Variants in PPP1R26 observed in about 807,000 individuals in gnomAD.
PPP1R26 encodes the protein protein phosphatase 1 regulatory subunit 26.
In PPP1R26, 22 loss-of-function variants were observed where a neutral mutation model predicts 67.6. The ratio of observed to expected loss-of-function variants is 0.33; its 90% CI spans 0.23 to 0.46. The LOEUF is 0.46. Ranked by LOEUF, PPP1R26 falls within the 20% of genes least tolerant of loss-of-function variation. PPP1R26 has a pLI of 1.00. For missense variants in PPP1R26, 1,602 were observed against 1,651.4 expected (o/e 0.97, Z 0.52); for synonymous variants, 729 against 717.2 (o/e 1.02, Z -0.26).
rs1190699378 is a variant in PPP1R26, at chr9:135,484,974, C to T, written c.464C>T (p.Ala155Val). 2 of 1,578,952 alleles carry T rather than the reference C, an allele frequency of 1.3e-6. No individual in the cohort carries two copies. The highest frequency in any genetic ancestry group is 8.6e-7 in the Non-Finnish European group (1 of 1,163,774). ...SGAAQPGAGG[A>V]QPGAAQPSRA... ...GCCGCACAGCCCGGGGCCGGCGGGG[C>T]CCAGCCAGGTGCAGCCCAGCCTTCC... Residue 155 changes from alanine to valine, a missense_variant, in exon 4 of 4, where the codon GCC becomes GTC. Coordinates refer to ENST00000356818, the MANE Select transcript of PPP1R26 (RefSeq NM_014811.5).
In PPP1R26 at chr9:135,487,487, G is replaced by T; in HGVS notation, c.2977G>T (p.Ala993Ser). The T allele has an allele frequency of 6.2e-7, 1 of 1,610,284 alleles. No individual in the cohort carries two copies. The highest frequency in any genetic ancestry group is 8.5e-7 in the Non-Finnish European group (1 of 1,179,558). The change falls in exon 4 of 4, where the codon GCC becomes TCC. Residue 993 changes from alanine to serine, a missense_variant. Ala to Ser is a moderately conservative substitution (Grantham distance 99). Around this residue, in one of 5 missense-constraint regions of PPP1R26, gnomAD observed 740 missense variants for 696.3 expected, o/e 1.06. Transcript: ENST00000356818. ...CACAGCGGGCACCGAGGCAGGAGGC[G>T]CCAGAGGAACCTTTCACATGGGCTG... ...CATAGTEAGGARGTFHMGCGS... is the reference protein window; with the variant it reads ...CATAGTEAGGSRGTFHMGCGS...
Position 135,484,698 on chromosome 9 carries a change from C to A in PPP1R26, c.188C>A (p.Thr63Asn). 6.2e-7 allele frequency: 1 copy of A among 1,610,012 alleles called. No homozygotes were observed. The highest frequency in any genetic ancestry group is 2.2e-5 in the East Asian group (1 of 44,852). Reference sequence around the variant, plus strand: ...CAGCGCGACGGGGCTGCTCGGGGCACCAGCGATGAGCGCGCCGCACAGAGG... The same window carrying A: ...CAGCGCGACGGGGCTGCTCGGGGCAACAGCGATGAGCGCGCCGCACAGAGG... ...TLQRDGAARG[T>N]SDERAAQRGH... Residue 63 changes from threonine (T) to asparagine (N), a missense_variant, in exon 4 of 4, where the codon ACC becomes AAC. Thr to Asn is a moderately conservative substitution (Grantham distance 65, BLOSUM62 0). This residue lies in a region of PPP1R26 where 168 missense variants were observed against 176.1 expected (regional missense o/e 0.95). Coordinates refer to ENST00000356818, the MANE Select transcript of PPP1R26 (RefSeq NM_014811.5).
Position 135,487,618 on chromosome 9 carries a change from G to T in PPP1R26, c.3108G>T (p.Leu1036=). 2.7e-6 allele frequency: 4 copies of T among 1,485,102 alleles called. No homozygotes were observed. The highest frequency in any genetic ancestry group is 2.7e-6 in the Non-Finnish European group (3 of 1,116,802). 92.0% of individuals were successfully genotyped at this position (1,485,102 alleles called of 1,614,324 possible). A position where few individuals can be genotyped will look rare whatever the true frequency, so the allele number is the denominator to read the frequency against. The change falls in exon 4 of 4, where the codon CTG becomes CTT. Residue 1036 remains leucine (L), a synonymous_variant. Transcript: ENST00000356818. ...PWSDFAHQSR[L]PSPWVLRSEG... is the part of the protein sequence containing the mutation. ...GCGACTTCGCCCACCAGAGTCGGCT[G>T]CCCAGCCCGTGGGTGCTGCGCTCCG... is the stretch of plus-strand genomic sequence containing the variant.
In PPP1R26 at chr9:135,486,194, G is replaced by A. The variant is rs771015690; in HGVS notation, c.1684G>A (p.Ala562Thr). Residue 562 changes from alanine to threonine, a missense_variant, in exon 4 of 4, where the codon GCC (alanine) becomes ACC (threonine). Around this residue, in one of 5 missense-constraint regions of PPP1R26, gnomAD observed 680 missense variants for 726.1 expected, o/e 0.94. Coordinates refer to ENST00000356818, the MANE Select transcript of PPP1R26 (RefSeq NM_014811.5). This position sits in a 1 kb window ranked among gnomAD's most constrained non-coding sequence, Gnocchi z 6.2. ...CAGAGGTGAGAGCTGCCCGCAGGCT[G>A]CCCAGGGTCCACTTTTGCCGCCTGG... Reference protein sequence around the residue: ...LARGESCPQAAQGPLLPPGLN... With the variant: ...LARGESCPQATQGPLLPPGLN... 3.1e-6 allele frequency: 5 copies of A among 1,612,992 alleles called. No homozygotes were observed. The highest frequency in any genetic ancestry group is 1.7e-5 in the Admixed American group (1 of 60,026).
Position 135,488,193 on chromosome 9 carries a change from C to T in PPP1R26, c.*53C>T, listed in dbSNP as rs1319335296. On this transcript the variant is annotated 3_prime_UTR_variant, in exon 4 of 4. Transcript: ENST00000356818. ...GGTTGCGTGCATTCGTGGAAAGCGG[C>T]GTAGCCGTGCGTGTGTGTGATGGTT... is the stretch of plus-strand genomic sequence containing the variant. The T allele has an allele frequency of 2.7e-6, 4 of 1,475,656 alleles. No individual in the cohort carries two copies. Among genetic ancestry groups the T allele is most frequent in the African/African-American group, 2.8e-5 (2 of 70,760 alleles). 91.4% of individuals were successfully genotyped at this position (1,475,656 alleles called of 1,614,324 possible).
chr9:135,485,938 C>T lies in PPP1R26; in HGVS notation c.1428C>T (p.Asp476=). ...TGGAACGGTCCTCGTGCCGGGCGGA[C>T]ACATCTGCTGAGCTGATGTGTGCAG... ...EFVERSSCRA[D]TSAELMCAEA... is the part of the protein sequence containing the mutation. The change falls in exon 4 of 4, where the codon GAC becomes GAT. Residue 476 remains aspartate, a synonymous_variant. Coordinates refer to ENST00000356818, the MANE Select transcript of PPP1R26 (RefSeq NM_014811.5). This position sits in a 1 kb window ranked among gnomAD's most constrained non-coding sequence, Gnocchi z 7.2. 1.2e-6 allele frequency: 2 copies of T among 1,613,488 alleles called. No individual in the cohort carries two copies. Among genetic ancestry groups the T allele is most frequent in the African/African-American group, 1.3e-5 (1 of 75,046 alleles).
Position 135,487,756 on chromosome 9 carries a change from G to A in PPP1R26, c.3246G>A (p.Leu1082=). The change falls in exon 4 of 4, where the codon CTG becomes CTA. Residue 1082 remains leucine (L), a synonymous_variant. Coordinates refer to ENST00000356818, the MANE Select transcript of PPP1R26 (RefSeq NM_014811.5). Reference sequence around the variant, plus strand: ...CCCTTGCGGGCTTCTCGCCGCTGCTGTCCACCCAGCTCTTCCACTTTGGAA... The same window carrying A: ...CCCTTGCGGGCTTCTCGCCGCTGCTATCCACCCAGCTCTTCCACTTTGGAA... ...SLPLAGFSPL[L]STQLFHFGKG... 1 of 1,485,414 alleles carries A rather than the reference G, an allele frequency of 6.7e-7. No individual in the cohort carries two copies. Among genetic ancestry groups the A allele is most frequent in the Non-Finnish European group, 8.9e-7 (1 of 1,119,752 alleles). 92.0% of individuals were successfully genotyped at this position (1,485,414 alleles called of 1,614,324 possible). A position where few individuals can be genotyped will look rare whatever the true frequency, so the allele number is the denominator to read the frequency against.
rs1403307851 is a variant in PPP1R26 at position 135,485,178 on chromosome 9, A to G, written c.668A>G (p.Glu223Gly). The G allele has an allele frequency of 1.6e-5, 26 of 1,612,898 alleles. No homozygotes were observed. Among genetic ancestry groups the G allele is most frequent in the Non-Finnish European group, 2.2e-5 (26 of 1,179,854 alleles). ...AGTGTGAGCAGCGATGACTCCTTCGAGCAGAGCATCAGGGCGGAAATAGAA... is the reference window on the plus strand; with the variant it reads ...AGTGTGAGCAGCGATGACTCCTTCGGGCAGAGCATCAGGGCGGAAATAGAA... Reference protein sequence around the residue: ...PVSVSSDDSFEQSIRAEIEQF... With the variant: ...PVSVSSDDSFGQSIRAEIEQF... The change falls in exon 4 of 4, where the codon GAG becomes GGG. Residue 223 changes from glutamate to glycine, a missense_variant. Physicochemically the swap from Glu to Gly is moderately conservative, Grantham distance 98. Transcript: ENST00000356818. The surrounding 1 kb of genome is among the most constrained non-coding windows in gnomAD (Gnocchi z 7.2).
chr9:135,485,941 A>G lies in PPP1R26; in HGVS notation c.1431A>G (p.Thr477=), dbSNP rs1830709731. The change falls in exon 4 of 4, where the codon ACA becomes ACG. Residue 477 remains threonine, a synonymous_variant. Coordinates refer to ENST00000356818, the MANE Select transcript of PPP1R26 (RefSeq NM_014811.5). The surrounding 1 kb of genome is among the most constrained non-coding windows in gnomAD (Gnocchi z 7.2). ...FVERSSCRAD[T]SAELMCAEAI... is the part of the protein sequence containing the mutation. ...AACGGTCCTCGTGCCGGGCGGACAC[A>G]TCTGCTGAGCTGATGTGTGCAGAAG... 1.2e-6 allele frequency: 2 copies of G among 1,613,316 alleles called. No homozygotes were observed. Among genetic ancestry groups the G allele is most frequent in the African/African-American group, 2.7e-5 (2 of 74,908 alleles).
rs771993146 is a variant in PPP1R26 at position 135,486,100 on chromosome 9, C to T, written c.1590C>T (p.Ser530=). ...ACGGCGACAGTAGCTCCGTGGACAG[C>T]GATGACAGCATCGAGCAGGAAATCC... ...RSDGDSSSVD[S]DDSIEQEIRT... is the part of the protein sequence containing the mutation. Residue 530 remains serine, a synonymous_variant, in exon 4 of 4, where the codon AGC becomes AGT. Coordinates refer to ENST00000356818, the MANE Select transcript of PPP1R26 (RefSeq NM_014811.5). The surrounding 1 kb of genome is among the most constrained non-coding windows in gnomAD (Gnocchi z 6.2). The T allele has an allele frequency of 6.2e-6, 10 of 1,612,790 alleles. No individual in the cohort carries two copies. Among genetic ancestry groups the T allele is most frequent in the Non-Finnish European group, 8.5e-6 (10 of 1,180,040 alleles).
chr9:135,487,325 C>G lies in PPP1R26; in HGVS notation c.2815C>G (p.Pro939Ala), dbSNP rs748442143. Residue 939 changes from proline to alanine, a missense_variant, in exon 4 of 4, where the codon CCC becomes GCC. Transcript: ENST00000356818. Reference protein sequence around the residue: ...AAPARGDPVPPRSTSGGVSAK... With the variant: ...AAPARGDPVPARSTSGGVSAK... ...TCCTGCCCGAGGGGATCCGGTGCCGCCCAGGAGCACCAGCGGCGGTGTCTC... is the reference window on the plus strand; with the variant it reads ...TCCTGCCCGAGGGGATCCGGTGCCGGCCAGGAGCACCAGCGGCGGTGTCTC... The G allele has an allele frequency of 2.6e-6, 4 of 1,555,568 alleles. No homozygotes were observed. Among genetic ancestry groups the G allele is most frequent in the Non-Finnish European group, 3.5e-6 (4 of 1,152,930 alleles).
Position 135,487,088 on chromosome 9 carries a change from G to A in PPP1R26, c.2578G>A (p.Ala860Thr), listed in dbSNP as rs767102334. The A allele has an allele frequency of 5.0e-6, 8 of 1,611,400 alleles. No individual in the cohort carries two copies. The highest frequency in any genetic ancestry group is 6.8e-6 in the Non-Finnish European group (8 of 1,179,990). The change falls in exon 4 of 4, where the codon GCA becomes ACA. Residue 860 changes from alanine to threonine, a missense_variant. Physicochemically the swap from Ala to Thr is moderately conservative, Grantham distance 58. This residue lies in a region of PPP1R26 where 740 missense variants were observed against 696.3 expected (regional missense o/e 1.06). Coordinates refer to ENST00000356818, the MANE Select transcript of PPP1R26 (RefSeq NM_014811.5). ...KESVSSSEVQ[A>T]EGPTALGTGG... The stretch of plus-strand genomic sequence containing the variant: ...GTCAGTGAGCAGTTCAGAAGTTCAG[G>A]CAGAGGGCCCCACCGCTCTTGGGAC...
rs1830719184 is a variant in PPP1R26, at chr9:135,486,111, T to C, written c.1601T>C (p.Ile534Thr). 3 of 1,612,828 alleles carry C rather than the reference T, an allele frequency of 1.9e-6. No individual in the cohort carries two copies. The highest frequency in any genetic ancestry group is 2.5e-6 in the Non-Finnish European group (3 of 1,180,044). ...AGCTCCGTGGACAGCGATGACAGCA[T>C]CGAGCAGGAAATCCGGACATTTTTG... is the stretch of plus-strand genomic sequence containing the variant. ...DSSSVDSDDS[I>T]EQEIRTFLAL... The change falls in exon 4 of 4, where the codon ATC becomes ACC. Residue 534 changes from isoleucine to threonine, a missense_variant. Ile to Thr is a moderately conservative substitution (Grantham distance 89). This residue lies in a region of PPP1R26 where 680 missense variants were observed against 726.1 expected (regional missense o/e 0.94). Coordinates refer to ENST00000356818, the MANE Select transcript of PPP1R26 (RefSeq NM_014811.5). This position sits in a 1 kb window ranked among gnomAD's most constrained non-coding sequence, Gnocchi z 6.2.
At chr9:135,482,987 CTTTTTTTTT>C (rs57608324) in intron 2 of PPP1R26, among the ~76,000 whole-genome samples, 172 bp downstream of exon 2, 1 of 112,060 alleles carries the variant, frequency 8.9e-6, no homozygotes, top group Non-Finnish European at 1.7e-5. Context: ...TTCTTTCTTT[CTTTTTTTTT>C]TTTTTTTTTT....
At chr9:135,480,948 A>G (rs1343943241) in intron 1 of PPP1R26, among the ~76,000 whole-genome samples, 1 of 152,176 alleles carries the variant, frequency 6.6e-6, no homozygotes, top group South Asian at 2.1e-4. Context: ...CAACCGAGAA[A>G]TGTAGAGTAT....
At position 135,485,769 on chromosome 9, in the gene PPP1R26, G is replaced by A. The variant is rs1822031002; in HGVS notation, c.1259G>A (p.Arg420Lys). The A allele has an allele frequency of 1.9e-6, 3 of 1,611,836 alleles. No homozygotes were observed. Among genetic ancestry groups the A allele is most frequent in the Non-Finnish European group, 2.5e-6 (3 of 1,180,016 alleles). Residue 420 changes from arginine (R) to lysine (K), a missense_variant, in exon 4 of 4, where the codon AGG (arginine) becomes AAG (lysine). Arg to Lys is a conservative substitution (Grantham distance 26). Around this residue, in one of 5 missense-constraint regions of PPP1R26, gnomAD observed 680 missense variants for 726.1 expected, o/e 0.94. Coordinates refer to ENST00000356818, the MANE Select transcript of PPP1R26 (RefSeq NM_014811.5). This position sits in a 1 kb window ranked among gnomAD's most constrained non-coding sequence, Gnocchi z 7.2. The part of the protein sequence containing the change: ...ATKSALPETH[R>K]KTPSKKKLVA... ...AAAAGTGCCTTGCCCGAGACCCACA[G>A]GAAAACACCCAGCAAGAAGAAGCTA...
At chr9:135,479,759 GCCCCGCC>G (rs1439419015), upstream of PPP1R26, 8 of 143,738 alleles carry the variant, frequency 5.6e-5, no homozygotes, top group South Asian at 4.3e-4. The surrounding 1 kb of genome is among the most constrained non-coding windows in gnomAD (Gnocchi z 5.9). Flanking sequence ...TGGGGGGGTC[GCCCCGCC>G]CCCCGCCCCG....
Position 135,487,950 on chromosome 9 carries a change from G to A in PPP1R26, c.3440G>A (p.Arg1147Lys), listed in dbSNP as rs1588356901. 6.3e-7 allele frequency: 1 copy of A among 1,593,590 alleles called. No homozygotes were observed. Residue 1147 changes from arginine to lysine, a missense_variant, in exon 4 of 4, where the codon AGG becomes AAG. By Grantham distance (26) the Arg-to-Lys change is conservative. This residue lies in a region of PPP1R26 where 740 missense variants were observed against 696.3 expected (regional missense o/e 1.06). Coordinates refer to ENST00000356818, the MANE Select transcript of PPP1R26 (RefSeq NM_014811.5). ...AKKDGGPWPT[R>K]KAQAGLSLHD... is the part of the protein sequence containing the mutation. Reference sequence around the variant, plus strand: ...AAGGACGGCGGCCCCTGGCCAACCAGGAAGGCACAGGCAGGGCTGAGTTTG... The same window carrying A: ...AAGGACGGCGGCCCCTGGCCAACCAAGAAGGCACAGGCAGGGCTGAGTTTG...
Position 135,486,760 on chromosome 9 carries a change from G to A in PPP1R26, c.2250G>A (p.Leu750=). The part of the protein sequence containing the change: ...RDWKDRGPPV[L]KSCLSKSKRD... Reference sequence around the variant, plus strand: ...GGAAAGACAGGGGCCCGCCAGTGCTGAAGAGCTGCCTCTCCAAGTCCAAGA... The same window carrying A: ...GGAAAGACAGGGGCCCGCCAGTGCTAAAGAGCTGCCTCTCCAAGTCCAAGA... Residue 750 remains leucine (L), a synonymous_variant, in exon 4 of 4, where the codon CTG becomes CTA. Transcript: ENST00000356818. This position sits in a 1 kb window ranked among gnomAD's most constrained non-coding sequence, Gnocchi z 6.2. 1 of 1,579,630 alleles carries A rather than the reference G, an allele frequency of 6.3e-7. No individual in the cohort carries two copies. Among genetic ancestry groups the A allele is most frequent in the Non-Finnish European group, 8.6e-7 (1 of 1,163,534 alleles).
Sources: allele counts gnomAD v4.1 joint callset (sites outside exome capture counted in the v4.1 genomes callset), GRCh38; gene constraint gnomAD v4.1.1; regional missense constraint gnomAD v4.1.1; non-coding constraint Gnocchi (gnomAD v3.1); transcripts MANE v1.5; gene names NCBI Gene and HGNC (gene_info 2026-07-23, HGNC 2026-07-21).